Variants in CC2D1B observed in about 807,000 individuals in gnomAD.
The protein encoded by CC2D1B is coiled-coil and C2 domain containing 1B, also known as coiled-coil and C2 domain-containing protein 1B.
A neutral mutation model predicts 110.8 loss-of-function variants in CC2D1B; 92 were observed. The ratio of observed to expected loss-of-function variants is 0.83; its 90% CI spans 0.70 to 0.99. CC2D1B has a LOEUF of 0.99. Among genes scored for constraint, CC2D1B ranks in the 50% least tolerant of loss-of-function variants. CC2D1B has a pLI of 0.00. For synonymous variants in CC2D1B, 406 were observed against 429.2 expected (o/e 0.95, Z 0.67); for missense variants, 1,136 against 1,089.0 (o/e 1.04, Z -0.61).
At chr1:52,360,292 A>G in intron 6 of CC2D1B, 59 bp from the exon 7 acceptor site, 1 of 1,606,418 alleles carries the variant, frequency 6.2e-7, no homozygotes, top group South Asian at 1.1e-5. Context: ...ACCCTGCTCC[A>G]AGACAGGCCA....
At position 52,358,439 on chromosome 1, in the gene CC2D1B, C is replaced by A; in HGVS notation, c.1353G>T (p.Leu451=). 1 of 1,613,932 alleles carries A rather than the reference C, an allele frequency of 6.2e-7. No homozygotes were observed. The highest frequency in any genetic ancestry group is 1.1e-5 in the South Asian group (1 of 91,084). The stretch of plus-strand genomic sequence containing the variant: ...CCTCCTCAACACCCATAGTGGACTC[C>A]AGGCCAGGGATGGGGGGAAATCCTG... ...VPPGFPPIPG[L]ESTMGVEEDA... The change falls in exon 13 of 25, where the codon CTG becomes CTT. Residue 451 remains leucine, a synonymous_variant. Coordinates refer to ENST00000284376, the MANE Select transcript of CC2D1B (RefSeq NM_001330585.2).
intron 3 of CC2D1B, 150 bp downstream of exon 3, chr1:52,362,452 C>T (rs959726318): frequency 2.1e-6 from 2 of 936,378 alleles, no homozygotes; most frequent in Admixed American, 2.2e-5. Flanking sequence ...GGAAGCAGGG[C>T]GAGGCCGCCT....
At position 52,359,538 on chromosome 1, in the gene CC2D1B, C is replaced by T. The variant is rs200882223; in HGVS notation, c.943-4G>A. 10 of 1,613,404 alleles carry T rather than the reference C, an allele frequency of 6.2e-6. 1 individual carries two copies. In the African/African-American group the frequency reaches 1.1e-4, roughly 17 times the overall value. On this transcript the variant is annotated splice_region_variant and splice_polypyrimidine_tract_variant and intron_variant, in intron 8 of 24. Transcript: ENST00000284376. ...CCTCCAGGACAGCACCGAATCTCTG[C>T]AGAAGTTGGAAAAGCAGGTGTGGGT...
chr1:52,364,205 T>TG (rs1646839903), intron 2 of CC2D1B, among the ~76,000 whole-genome samples: 1 of 152,202 alleles, frequency 6.6e-6, no homozygotes, highest in Non-Finnish European at 1.5e-5. Flanking sequence ...TTCTTCCACT[T>TG]GGGGCACAGC....
chr1:52,356,076 A>G (rs1022289534), intron 18 of CC2D1B, 110 bp downstream of exon 18: 4 of 1,044,394 alleles, frequency 3.8e-6, no homozygotes, highest in African/African-American at 3.2e-5. Context: ...CAGTGCCCAC[A>G]GCGGGGCCAG....
chr1:52,359,711 A>C lies in CC2D1B; in HGVS notation c.936T>G (p.Ile312Met), dbSNP rs1646736523. The C allele has an allele frequency of 6.2e-7, 1 of 1,600,600 alleles. No individual in the cohort carries two copies. The highest frequency in any genetic ancestry group is 8.5e-7 in the Non-Finnish European group (1 of 1,173,672). ...CCTGAGCCAGATGCCATACCTTCCC[A>C]ATCCTCATGAGCTCTCGGGCACGGT... ...ELDRARELMRIGKRFGAVLEA... is the reference protein window; with the variant it reads ...ELDRARELMRMGKRFGAVLEA... The change falls in exon 8 of 25, where the codon ATT becomes ATG. Residue 312 changes from isoleucine (I) to methionine (M), a missense_variant. Transcript: ENST00000284376.
Position 52,353,231 on chromosome 1 carries a change from G to A in CC2D1B, c.*2-8C>T. 7.3e-7 allele frequency: 1 copy of A among 1,375,058 alleles called. No homozygotes were observed. The allele number at this position is 1,375,058 out of a possible 1,614,324, so 85.2% of individuals were successfully genotyped here. A position where few individuals can be genotyped will look rare whatever the true frequency, so the allele number is the denominator to read the frequency against. Reference sequence around the variant, plus strand: ...CCTGGTGCTGGCCATCGGCTACACAGGGGTGCAAAGCACAAGAAGTCAGTC... The same window carrying A: ...CCTGGTGCTGGCCATCGGCTACACAAGGGTGCAAAGCACAAGAAGTCAGTC... On this transcript the variant is annotated splice_polypyrimidine_tract_variant and splice_region_variant and intron_variant, in intron 24 of 24. Coordinates refer to ENST00000284376, the MANE Select transcript of CC2D1B (RefSeq NM_001330585.2).
intron 2 of CC2D1B, 47 bp from the exon 3 acceptor site, chr1:52,362,793 G>A: frequency 6.2e-7 from 1 of 1,603,330 alleles, no homozygotes; most frequent in Non-Finnish European, 8.5e-7. Flanking sequence ...AAGCAGGGTA[G>A]GGTCCAGCTC....
chr1:52,357,663 G>C lies in CC2D1B; in HGVS notation c.1615C>G (p.Leu539Val), dbSNP rs754283685. ...TGCAGGGCTGCCCGCTGATACTGCAGTTTCCGTGCCTCCAGCAGTGCCAGC... is the reference window on the plus strand; with the variant it reads ...TGCAGGGCTGCCCGCTGATACTGCACTTTCCGTGCCTCCAGCAGTGCCAGC... The part of the protein sequence containing the change: ...EQLALLEARK[L>V]QYQRAALQAK... Residue 539 changes from leucine to valine, a missense_variant, in exon 15 of 25, where the codon CTG (leucine) becomes GTG (valine). Transcript: ENST00000284376. 4 of 1,602,322 alleles carry C rather than the reference G, an allele frequency of 2.5e-6. No individual in the cohort carries two copies. In the Admixed American group the frequency reaches 6.9e-5, roughly 28 times the overall value.
At position 52,351,101 on chromosome 1, in the gene CC2D1B, C is replaced by G. The variant is rs183576449; in HGVS notation, c.*2124G>C. On this transcript the variant is annotated 3_prime_UTR_variant, in exon 25 of 25. Transcript: ENST00000284376. The stretch of plus-strand genomic sequence containing the variant: ...CAAGATGAAGCTGGGACAGGCTCCT[C>G]CTACTACCAGTGACGCATGCATGCC... 2 of 152,202 alleles carry G rather than the reference C, an allele frequency of 1.3e-5. No homozygotes were observed. Among genetic ancestry groups the G allele is most frequent in the African/African-American group, 4.8e-5 (2 of 41,450 alleles). The allele number at this position is 152,202 out of a possible 1,614,324, so 9.4% of individuals were successfully genotyped here.
intron 21 of CC2D1B, 57 bp downstream of exon 21, chr1:52,355,341 A>T: frequency 6.3e-7 from 1 of 1,577,682 alleles, no homozygotes; most frequent in South Asian, 1.1e-5. Context: ...CTCTGGAAAC[A>T]CCAGTGCTGC....
In CC2D1B at chr1:52,357,881, C is replaced by A; in HGVS notation, c.1479G>T (p.Gln493His). ...GTGCAGGTTTCTTGGCCACTGGGGC[C>A]TGTGCTGGGGGCTCACCCTGCAGGT... ...KDEDEGEPPAQAPVAKKPARP... is the reference protein window; with the variant it reads ...KDEDEGEPPAHAPVAKKPARP... The change falls in exon 14 of 25, where the codon CAG becomes CAT. Residue 493 changes from glutamine to histidine, a missense_variant. Transcript: ENST00000284376. The A allele has an allele frequency of 6.4e-7, 1 of 1,574,512 alleles. No homozygotes were observed. Among genetic ancestry groups the A allele is most frequent in the Non-Finnish European group, 8.6e-7 (1 of 1,163,508 alleles).
chr1:52,353,134 T>TA lies in CC2D1B; in HGVS notation c.*90dup, dbSNP rs749542008. On this transcript the variant is annotated 3_prime_UTR_variant, in exon 25 of 25. Coordinates refer to ENST00000284376, the MANE Select transcript of CC2D1B (RefSeq NM_001330585.2). ...TTGGTGCTTGGGTAGCAGCATCTCTTATGTACAAAGGCTTCTGAAGCCAGC... is the reference window on the plus strand; with the variant it reads ...TTGGTGCTTGGGTAGCAGCATCTCTTAATGTACAAAGGCTTCTGAAGCCAGC... The TA allele has an allele frequency of 1.4e-5, 17 of 1,250,140 alleles. No homozygotes were observed. Among genetic ancestry groups the TA allele is most frequent in the South Asian group, 1.3e-4 (10 of 79,944 alleles). 77.4% of individuals were successfully genotyped at this position (1,250,140 alleles called of 1,614,324 possible). A position where few individuals can be genotyped will look rare whatever the true frequency, so the allele number is the denominator to read the frequency against.
Position 52,357,776 on chromosome 1 carries a change from C to A in CC2D1B, c.1579+5G>T. 1 of 1,594,226 alleles carries A rather than the reference C, an allele frequency of 6.3e-7. No homozygotes were observed. The highest frequency in any genetic ancestry group is 8.6e-7 in the Non-Finnish European group (1 of 1,168,670). On this transcript the variant is annotated splice_donor_5th_base_variant and intron_variant, in intron 14 of 24. Transcript: ENST00000284376. ...AGTTCTTCACCCTGCTTGTCCCCAACTCACCAGATGGACTCGGTGACTCCT... is the reference window on the plus strand; with the variant it reads ...AGTTCTTCACCCTGCTTGTCCCCAAATCACCAGATGGACTCGGTGACTCCT...
chr1:52,354,217 C>T, intron 23 of CC2D1B: 1 of 382,564 alleles, frequency 2.6e-6, no homozygotes, highest in Non-Finnish European at 5.0e-6. Context: ...AGGTGTGCTA[C>T]AGTGGGAAGA....
rs775275130 is a variant in CC2D1B at position 52,361,140 on chromosome 1, G to A, written c.319-8C>T. On this transcript the variant is annotated splice_region_variant and splice_polypyrimidine_tract_variant and intron_variant, in intron 4 of 24. Transcript: ENST00000284376. ...GACCTCCTGCAGCTCCGTCTAGGGAGACAAAACACAGCCCAGGAGCTTGGG... is the reference window on the plus strand; with the variant it reads ...GACCTCCTGCAGCTCCGTCTAGGGAAACAAAACACAGCCCAGGAGCTTGGG... The A allele has an allele frequency of 1.2e-6, 2 of 1,613,958 alleles. No homozygotes were observed. The highest frequency in any genetic ancestry group is 2.2e-5 in the South Asian group (2 of 91,074).
At chr1:52,362,557 C>T in intron 3 of CC2D1B, 45 bp downstream of exon 3, 3 of 1,611,362 alleles carry the variant, frequency 1.9e-6, no homozygotes, top group Non-Finnish European at 2.5e-6. Flanking sequence ...CCAGCCTGTG[C>T]CCATCTTGTC....
rs1381807613 is a variant in CC2D1B at position 52,362,762 on chromosome 1, G to A, written c.70-16C>T. The A allele has an allele frequency of 6.2e-7, 1 of 1,613,714 alleles. No individual in the cohort carries two copies. The highest frequency in any genetic ancestry group is 1.1e-5 in the South Asian group (1 of 91,072). On this transcript the variant is annotated splice_polypyrimidine_tract_variant and intron_variant, in intron 2 of 24. Coordinates refer to ENST00000284376, the MANE Select transcript of CC2D1B (RefSeq NM_001330585.2). ...AGAGCCCCATCTGAGAGCAGAGCAGGACTCTTAGGAACCACACAACAAGCA... is the reference window on the plus strand; with the variant it reads ...AGAGCCCCATCTGAGAGCAGAGCAGAACTCTTAGGAACCACACAACAAGCA...
rs779851299 is a variant in CC2D1B at position 52,358,744 on chromosome 1, A to G, written c.1272T>C (p.Ala424=). The part of the protein sequence containing the change: ...HERIAKQYQD[A]IRAHRAGRKV... ...TCCGTCCTGCTCGGTGTGCTCGAAT[A>G]GCATCTTGATATTGCTGCAAGGGAA... Residue 424 remains alanine (A), a synonymous_variant, in exon 12 of 25, where the codon GCT becomes GCC. Transcript: ENST00000284376. 4.8e-5 allele frequency: 78 copies of G among 1,611,300 alleles called. No homozygotes were observed. Among genetic ancestry groups the G allele is most frequent in the Non-Finnish European group, 6.6e-5 (78 of 1,179,274 alleles).
Sources: allele counts gnomAD v4.1 joint callset (sites outside exome capture counted in the v4.1 genomes callset), GRCh38; gene constraint gnomAD v4.1.1; transcripts MANE v1.5; gene names NCBI Gene and HGNC (gene_info 2026-07-23, HGNC 2026-07-21).